CHD7: variants seen among roughly 807,000 people sequenced by gnomAD.
The protein encoded by CHD7 is ATP-dependent chromatin remodeler CHD7.
Under a neutral mutation model 307.3 loss-of-function variants are expected in CHD7, and 24 were observed. The observed-to-expected ratio is 0.08, with a 90% confidence interval of 0.06 to 0.11. CHD7 has a LOEUF of 0.11. CHD7 is among the 10% of genes least tolerant of loss of function. The pLI is 1.00. For synonymous variants in CHD7, 1,363 were observed against 1,349.9 expected, an observed-to-expected ratio of 1.01 and a Z score of -0.21; for missense variants, 3,106 against 3,727.1, an observed-to-expected ratio of 0.83 and a Z score of 4.34.
In CHD7 at chr8:60,860,829, C is replaced by T. The variant is rs114297348; in HGVS notation, c.7609-75C>T. The T allele has an allele frequency of 6.2e-4, 643 of 1,030,136 alleles. 6 individuals are homozygous for T. The African/African-American group carries it at 8.6e-3, about 14-fold the overall frequency. 63.8% of individuals were successfully genotyped at this position (1,030,136 alleles called of 1,614,324 possible). On this transcript the variant is annotated intron_variant, in intron 34 of 37. Transcript: ENST00000423902. Reference sequence around the variant, plus strand: ...TGATAAAAGATCCATTCTAGGATAGCGTTTTCTTGAAATAGGACATTGTCA... The same window carrying T: ...TGATAAAAGATCCATTCTAGGATAGTGTTTTCTTGAAATAGGACATTGTCA...
chr8:60,731,007 C>G (rs937452554), intron 1 of CHD7, among the ~76,000 whole-genome samples: 11 of 152,126 alleles, frequency 7.2e-5, no homozygotes, highest in Admixed American at 3.3e-4. Context: ...TCCAGCATAC[C>G]CACACTGTAG....
At chr8:60,724,070 G>A (rs1460354253) in intron 1 of CHD7, among the ~76,000 whole-genome samples, 1 of 152,166 alleles carries the variant, frequency 6.6e-6, no homozygotes, top group African/African-American at 2.4e-5. Flanking sequence ...TAGGTCTCAA[G>A]TCTTTTAGCC....
chr8:60,793,048 C>A (rs1563605018), intron 3 of CHD7, among the ~76,000 whole-genome samples: 2 of 152,168 alleles, frequency 1.3e-5, no homozygotes, highest in Non-Finnish European at 2.9e-5. Context: ...GGTCATGTGA[C>A]CGCTGGTTAC....
Position 60,853,160 on chromosome 8 carries a change from A to G in CHD7, c.6435A>G (p.Pro2145=), listed in dbSNP as rs1402557358. The change falls in exon 31 of 38, where the codon CCA becomes CCG. Residue 2145 remains proline, a synonymous_variant. Transcript: ENST00000423902. ...RGAGNTSSLN[P]LAVGFVQTPP... Reference sequence around the variant, plus strand: ...CAGGTAATACATCTTCCTTGAACCCACTGGCAGTTGGATTTGTCCAGACTC... The same window carrying G: ...CAGGTAATACATCTTCCTTGAACCCGCTGGCAGTTGGATTTGTCCAGACTC... 2.5e-6 allele frequency: 4 copies of G among 1,613,900 alleles called. No homozygotes were observed. Among genetic ancestry groups the G allele is most frequent in the Non-Finnish European group, 3.4e-6 (4 of 1,179,862 alleles).
intron 1 of CHD7, among the ~76,000 whole-genome samples, chr8:60,705,969 A>C (rs1478188015): frequency 6.6e-6 from 1 of 152,210 alleles, no homozygotes; most frequent in Non-Finnish European, 1.5e-5. Flanking sequence ...GATTTCCCCA[A>C]GCACATGCAT....
At chr8:60,846,371 T>G (rs1437810470) in intron 23 of CHD7, among the ~76,000 whole-genome samples, 4 of 152,228 alleles carry the variant, frequency 2.6e-5, no homozygotes, top group African/African-American at 9.6e-5. Context: ...AAAAACTGAT[T>G]ATAGATAATT....
chr8:60,854,875 C>G (rs887189754), intron 32 of CHD7, among the ~76,000 whole-genome samples: 1 of 152,082 alleles, frequency 6.6e-6, no homozygotes, highest in Non-Finnish European at 1.5e-5. Flanking sequence ...TGAAATAAAG[C>G]CTTCAGATTT....
At chr8:60,731,464 C>T (rs970404242) in intron 1 of CHD7, among the ~76,000 whole-genome samples, 1 of 152,156 alleles carries the variant, frequency 6.6e-6, no homozygotes, top group African/African-American at 2.4e-5. Context: ...CAACTGACGG[C>T]AATGGGGTTT....
rs1348901190 is a variant in CHD7, at chr8:60,853,350, G to T, written c.6625G>T (p.Ala2209Ser). Reference sequence around the variant, plus strand: ...GAAGGAGAGCAAGCAGGAATGTGAGGCAGAGGCCAGCTCTGTGAAAAATGA... The same window carrying T: ...GAAGGAGAGCAAGCAGGAATGTGAGTCAGAGGCCAGCTCTGTGAAAAATGA... ...SGKESKQECE[A>S]EASSVKNELK... Residue 2209 changes from alanine to serine, a missense_variant, in exon 31 of 38, where the codon GCA becomes TCA. Ala to Ser is a moderately conservative substitution (Grantham distance 99). This residue lies in a region of CHD7 where 1,030 missense variants were observed against 1,165.4 expected (regional missense o/e 0.88). Coordinates refer to ENST00000423902, the MANE Select transcript of CHD7 (RefSeq NM_017780.4). 6.3e-7 allele frequency: 1 copy of T among 1,583,390 alleles called. No individual in the cohort carries two copies. The highest frequency in any genetic ancestry group is 1.2e-5 in the South Asian group (1 of 85,792).
At position 60,856,442 on chromosome 8, in the gene CHD7, T is replaced by C. The variant is rs1162185707; in HGVS notation, c.7165-3T>C. On this transcript the variant is annotated splice_polypyrimidine_tract_variant and splice_region_variant and intron_variant, in intron 33 of 37. Coordinates refer to ENST00000423902, the MANE Select transcript of CHD7 (RefSeq NM_017780.4). ...ACTCTGTTCTGTTGGAATTTTTCAA[T>C]AGGAAGATGCCCTCAACCTCTCTGT... The C allele has an allele frequency of 1.2e-5, 19 of 1,603,948 alleles. No homozygotes were observed. The highest frequency in any genetic ancestry group is 3.4e-5 in the Admixed American group (2 of 58,684).
chr8:60,848,475 G>T lies in CHD7; in HGVS notation c.5211-40G>T, dbSNP rs1255494395. ...AAAGCCACTGTTGGCAAACAGTCCT[G>T]AAGTTAAGAACTTTTTCCCCCCTCT... On this transcript the variant is annotated intron_variant, in intron 23 of 37. Coordinates refer to ENST00000423902, the MANE Select transcript of CHD7 (RefSeq NM_017780.4). 13 of 1,473,610 alleles carry T rather than the reference G, an allele frequency of 8.8e-6. No homozygotes were observed. The East Asian group carries it at 3.0e-4, about 34-fold the overall frequency. The allele number at this position is 1,473,610 out of a possible 1,614,324, so 91.3% of individuals were successfully genotyped here. A position where few individuals can be genotyped will look rare whatever the true frequency, so the allele number is the denominator to read the frequency against.
At chr8:60,824,950 T>C (rs922026655) in intron 13 of CHD7, 2 of 152,234 alleles carry the variant, frequency 1.3e-5, no homozygotes, top group African/African-American at 4.8e-5. Flanking sequence ...CTCCATAGTT[T>C]ATATAGTGGT....
intron 2 of CHD7, among the ~76,000 whole-genome samples, chr8:60,766,867 A>T (rs566907827): frequency 1.3e-5 from 2 of 152,338 alleles, no homozygotes; most frequent in Admixed American, 1.3e-4. Flanking sequence ...GACTGGAGAA[A>T]GGACTTTAAG....
At chr8:60,780,927 C>A in intron 2 of CHD7, 73 bp from the exon 3 acceptor site, 2 of 1,408,928 alleles carry the variant, frequency 1.4e-6, no homozygotes, top group East Asian at 2.6e-5. Context: ...GAAACATCAG[C>A]CACTAACTTT....
Position 60,866,779 on chromosome 8 carries a change from T to A in CHD7, c.*846T>A, listed in dbSNP as rs951334081. 2.6e-5 allele frequency: 4 copies of A among 152,680 alleles called. No homozygotes were observed. The highest frequency in any genetic ancestry group is 5.9e-5 in the Non-Finnish European group (4 of 68,042). The allele number at this position is 152,680 out of a possible 1,614,324, so 9.5% of individuals were successfully genotyped here. On this transcript the variant is annotated 3_prime_UTR_variant, in exon 38 of 38. Transcript: ENST00000423902. ...ACATGACTTTGTAAATGTATTGTTT[T>A]TCTTTGTTGTGATGTCCTTTTATTT...
In CHD7 at chr8:60,852,032, G is replaced by A; in HGVS notation, c.5679G>A (p.Glu1893=). The A allele has an allele frequency of 6.2e-7, 1 of 1,612,324 alleles. No homozygotes were observed. The highest frequency in any genetic ancestry group is 8.5e-7 in the Non-Finnish European group (1 of 1,178,866). The change falls in exon 29 of 38, where the codon GAG becomes GAA. Residue 1893 remains glutamate (E), a synonymous_variant. Transcript: ENST00000423902. ...MEIHATGKHS[E]SNAELGQLYW... ...CCACTTCCCCAGGCAAGCACAGTGA[G>A]AGTAATGCTGAGTTAGGCCAACTTT...
intron 1 of CHD7, among the ~76,000 whole-genome samples, chr8:60,735,187 T>C (rs1264341153): frequency 6.6e-6 from 1 of 152,216 alleles, no homozygotes; most frequent in African/African-American, 2.4e-5. Flanking sequence ...GAATATTTTT[T>C]AAATGAATGA....
At chr8:60,811,077 C>G (rs1409893655) in intron 7 of CHD7, among the ~76,000 whole-genome samples, 1 of 152,194 alleles carries the variant, frequency 6.6e-6, no homozygotes, top group African/African-American at 2.4e-5. Flanking sequence ...CTGCCCTCCA[C>G]CAAGGACCCG....
At chr8:60,749,522 A>G (rs1809523541) in intron 2 of CHD7, among the ~76,000 whole-genome samples, 1 of 152,140 alleles carries the variant, frequency 6.6e-6, no homozygotes, top group African/African-American at 2.4e-5. Context: ...TACCTTTTTA[A>G]TGGAGAGCAG....
Sources: gnomAD v4.1 joint callset for allele counts (sites outside exome capture counted in the v4.1 genomes callset) on GRCh38, gnomAD v4.1.1 for gene constraint, gnomAD v4.1.1 regional missense constraint, MANE v1.5 for transcripts, NCBI Gene and HGNC (gene_info 2026-07-23, HGNC 2026-07-21) for gene names.